CCDC6: variants seen among roughly 807,000 people sequenced by gnomAD.
CCDC6 encodes coiled-coil domain containing 6, also known as coiled-coil domain-containing protein 6.
Under a neutral mutation model 56.6 loss-of-function variants are expected in CCDC6, and 20 were observed. The ratio of observed to expected loss-of-function variants is 0.35; its 90% confidence interval spans 0.25 to 0.51. CCDC6 has a LOEUF of 0.51. Ranked by LOEUF, CCDC6 falls within the 20% of genes least tolerant of loss-of-function variation. The probability of loss-of-function intolerance (pLI) is 0.95; values close to 1 mark genes in which losing one functional copy is unlikely to be tolerated. For synonymous variants in CCDC6, 241 were observed against 234.4 expected, an observed-to-expected ratio of 1.03 and a Z score of -0.26; for missense variants, 367 against 601.1, an observed-to-expected ratio of 0.61 and a Z score of 4.07.
At chr10:59,878,919 A>G (rs4146652) in intron 1 of CCDC6, among the ~76,000 whole-genome samples, 115,683 of 152,146 alleles carry the variant, frequency 0.76, 44,234 homozygotes, top group East Asian at 0.9. Flanking sequence ...GGAAAGGAAA[A>G]GATGCAGTTT....
rs752730367 is a variant in CCDC6, at chr10:59,792,966, G to A, written c.1376C>T (p.Ser459Leu). The A allele has an allele frequency of 6.8e-6, 11 of 1,612,316 alleles. No individual in the cohort carries two copies. Among genetic ancestry groups the A allele is most frequent in the African/African-American group, 2.7e-5 (2 of 74,912 alleles). ...MQPTVPSAAT[S>L]QPTPSQHSAH... is the part of the protein sequence containing the mutation. ...CGAATGTTGCGAAGGAGTAGGCTGC[G>A]AGGTGGCTGCTGAGGGGACCGTGGG... is the stretch of plus-strand genomic sequence containing the variant. The change falls in exon 9 of 9, where the codon TCG (serine) becomes TTG (leucine). Residue 459 changes from serine to leucine, a missense_variant. Physicochemically the swap from Ser to Leu is moderately radical, Grantham distance 145 (BLOSUM62 -2). Transcript: ENST00000263102.
chr10:59,904,356 G>A (rs116315459), intron 1 of CCDC6, among the ~76,000 whole-genome samples: 1,935 of 152,288 alleles, frequency 0.013, 47 homozygotes, highest in African/African-American at 0.044. Context: ...CGGTCTAAGT[G>A]TCAAACAGAT....
intron 1 of CCDC6, among the ~76,000 whole-genome samples, chr10:59,883,863 T>C (rs932144464): frequency 2.6e-5 from 4 of 152,220 alleles, no homozygotes; most frequent in African/African-American, 9.7e-5. Flanking sequence ...AAGTTTAATG[T>C]ATTGTTGTCA....
At chr10:59,804,641 A>T (rs1416712843) in intron 6 of CCDC6, 121 bp from the exon 7 acceptor site, 1 of 664,568 alleles carries the variant, frequency 1.5e-6, no homozygotes, top group Non-Finnish European at 2.7e-6. Context: ...GTTTAGAGTG[A>T]TGTTATAGTT....
At position 59,814,511 on chromosome 10, in the gene CCDC6, T is replaced by G. The variant is rs116418169; in HGVS notation, c.686+141A>C. ...GGAATAGTTCAGAAGGCTTTCAACATTTTTTTTCCTTTGGCCAATTAAAAT... is the reference window on the plus strand; with the variant it reads ...GGAATAGTTCAGAAGGCTTTCAACAGTTTTTTTCCTTTGGCCAATTAAAAT... On this transcript the variant is annotated intron_variant, in intron 4 of 8. Transcript: ENST00000263102. 744 of 568,732 alleles carry G rather than the reference T, an allele frequency of 1.3e-3. 9 individuals carry two copies. The highest frequency in any genetic ancestry group is 0.013 in the African/African-American group (681 of 53,428). The allele number at this position is 568,732 out of a possible 1,614,324, so 35.2% of individuals were successfully genotyped here.
chr10:59,844,450 A>G (rs1356273631), intron 2 of CCDC6, among the ~76,000 whole-genome samples: 1 of 150,836 alleles, frequency 6.6e-6, no homozygotes, highest in African/African-American at 2.4e-5. Context: ...AGCTCCATGG[A>G]AAAGATTTTT....
In CCDC6 at chr10:59,859,190, A is replaced by ATGTG. The variant is rs370903379; in HGVS notation, c.304-6492_304-6489dup. ...GGAAGGTTTCTGGAAAAAAAAATAC[A>ATGTG]TGTGTGTGCGTGTGTGTGTGTGTGT... On this transcript the variant is annotated intron_variant, in intron 1 of 8. Coordinates refer to ENST00000263102, the MANE Select transcript of CCDC6 (RefSeq NM_005436.5). Among the ~76,000 whole-genome samples the ATGTG allele has an allele frequency of 1.2e-3, 100 of 84,026 alleles. No individual in the cohort carries two copies. In the South Asian group the frequency reaches 0.04, roughly 33 times the overall value. 55.1% of individuals were successfully genotyped at this position (84,026 alleles called of 152,430 possible).
chr10:59,858,302 C>T (rs911689250), intron 1 of CCDC6, among the ~76,000 whole-genome samples: 1 of 152,188 alleles, frequency 6.6e-6, no homozygotes, highest in African/African-American at 2.4e-5. Flanking sequence ...CACACTAGCT[C>T]ACAATAAAAG....
intron 3 of CCDC6, among the ~76,000 whole-genome samples, chr10:59,831,941 C>G (rs1326979135): frequency 1.3e-5 from 2 of 152,190 alleles, no homozygotes; most frequent in Admixed American, 6.5e-5. Context: ...TGGTTTTAGT[C>G]TGTCCTGCTC....
intron 1 of CCDC6, among the ~76,000 whole-genome samples, chr10:59,872,666 A>C (rs1212700139): frequency 6.6e-6 from 1 of 151,914 alleles, no homozygotes; most frequent in East Asian, 1.9e-4. Flanking sequence ...CAAGGGGTTA[A>C]CTTTCAGCAT....
chr10:59,834,973 C>T (rs1036068633), intron 2 of CCDC6, among the ~76,000 whole-genome samples: 4 of 152,170 alleles, frequency 2.6e-5, no homozygotes, highest in Non-Finnish European at 5.9e-5. Context: ...TCTGCAGGTA[C>T]TATGAGAATG....
intron 2 of CCDC6, among the ~76,000 whole-genome samples, chr10:59,839,039 G>A (rs2070912983): frequency 6.6e-6 from 1 of 152,124 alleles, no homozygotes; most frequent in Admixed American, 6.5e-5. Context: ...AATGCTTCAG[G>A]GCGATTACTA....
chr10:59,849,744 C>G (rs2071022311), intron 2 of CCDC6, among the ~76,000 whole-genome samples: 1 of 152,184 alleles, frequency 6.6e-6, no homozygotes, highest in Admixed American at 6.5e-5. Context: ...TTTCTCTTAG[C>G]AGGCTTTTTT....
At chr10:59,799,358 G>A (rs919057688) in intron 7 of CCDC6, among the ~76,000 whole-genome samples, 4 of 151,986 alleles carry the variant, frequency 2.6e-5, no homozygotes, top group Admixed American at 6.6e-5. Flanking sequence ...CCCAGGAGGC[G>A]GAGGTTGCAC....
intron 1 of CCDC6, among the ~76,000 whole-genome samples, chr10:59,890,701 GTTTT>G (rs528699218): frequency 6.6e-6 from 1 of 151,182 alleles, no homozygotes; most frequent in Non-Finnish European, 1.5e-5. Context: ...ACAGATTTTT[GTTTT>G]TTTTCTTTTT....
At chr10:59,806,543 G>T in intron 6 of CCDC6, 1 of 158,472 alleles carries the variant, frequency 6.3e-6, no homozygotes, top group Non-Finnish European at 1.4e-5. Context: ...TGTTTTCCTC[G>T]AGCTGCACTA....
At chr10:59,794,369 AG>A (rs2070494933) in intron 8 of CCDC6, 103 bp downstream of exon 8, 4 of 1,126,954 alleles carry the variant, frequency 3.5e-6, no homozygotes, top group Non-Finnish European at 5.2e-6. Context: ...TGGAGGAGGC[AG>A]GAAGAAGGGC....
At chr10:59,837,281 A>ATG (rs2070890835) in intron 2 of CCDC6, among the ~76,000 whole-genome samples, 2 of 152,236 alleles carry the variant, frequency 1.3e-5, no homozygotes, top group African/African-American at 4.8e-5. Flanking sequence ...GTGCATGTGC[A>ATG]CGCTGGATGC....
chr10:59,885,142 G>C (rs1264979365), intron 1 of CCDC6, among the ~76,000 whole-genome samples: 6 of 152,094 alleles, frequency 3.9e-5, no homozygotes, highest in Non-Finnish European at 7.4e-5. Context: ...AGAAAGGACA[G>C]AGAATACGTG....
Sources: allele counts gnomAD v4.1 joint callset (sites outside exome capture counted in the v4.1 genomes callset), GRCh38; gene constraint gnomAD v4.1.1; transcripts MANE v1.5; gene names NCBI Gene and HGNC (gene_info 2026-07-23, HGNC 2026-07-21).